The following PDXDC1 variants were observed in gnomAD, a reference collection of about 807,000 sequenced individuals.
PDXDC1 encodes pyridoxal dependent decarboxylase domain containing 1.
Under a neutral mutation model 100.1 loss-of-function variants are expected in PDXDC1, and 42 were observed. The ratio of observed to expected loss-of-function variants is 0.42; its 90% CI spans 0.33 to 0.54. PDXDC1 has a LOEUF of 0.54. Among genes scored for constraint, PDXDC1 ranks in the 20% least tolerant of loss-of-function variants. PDXDC1 has a pLI of 0.10. For synonymous variants in PDXDC1, 260 were observed against 371.7 expected (o/e 0.70, Z 3.46); for missense variants, 636 against 979.2 (o/e 0.65, Z 4.68).
downstream of PDXDC1, chr16:15,040,310 T>A (rs1483189132): frequency 2.5e-6 from 1 of 406,388 alleles, no homozygotes; most frequent in African/African-American, 2.1e-5. Flanking sequence ...AGAGCTGCTT[T>A]CCACATGGGA....
chr16:15,038,796 G>A (rs2043670021), downstream of PDXDC1: 2 of 629,836 alleles, frequency 3.2e-6, no homozygotes, highest in Non-Finnish European at 5.6e-6. Flanking sequence ...ATCTGCCTAA[G>A]CTTCTTAAAA....
At chr16:15,050,059 T>G (rs2044236737) in intron 16 of PDXDC1, among the ~76,000 whole-genome samples, 1 of 152,232 alleles carries the variant, frequency 6.6e-6, no homozygotes, top group South Asian at 2.1e-4. Flanking sequence ...CTCAATGTTC[T>G]ATCACATAGT....
chr16:15,076,068 C>T (rs758384159), intron 16 of PDXDC1, among the ~76,000 whole-genome samples: 5 of 152,120 alleles, frequency 3.3e-5, no homozygotes, highest in Non-Finnish European at 7.4e-5. Flanking sequence ...CAGGCTGTAG[C>T]GACCTCCCAA....
downstream of PDXDC1, among the ~76,000 whole-genome samples, chr16:15,142,181 C>G (rs931479024): frequency 6.6e-6 from 1 of 152,144 alleles, no homozygotes; most frequent in Non-Finnish European, 1.5e-5. Context: ...GTGGCTGCTG[C>G]TGGGAGCTGA....
intron 16 of PDXDC1, chr16:15,061,971 T>C: frequency 6.8e-7 from 1 of 1,464,022 alleles, no homozygotes; most frequent in Non-Finnish European, 9.5e-7. Context: ...CAACAATTCC[T>C]TCCTCAGGAA....
chr16:15,094,144 C>A (rs2046255566), intron 16 of PDXDC1: 3 of 1,594,984 alleles, frequency 1.9e-6, no homozygotes, highest in Non-Finnish European at 2.6e-6. Flanking sequence ...CTGAATCTTA[C>A]CCAGTCCTCG....
intron 16 of PDXDC1, among the ~76,000 whole-genome samples, chr16:15,049,762 C>T (rs2044225143): frequency 2.6e-5 from 4 of 152,150 alleles, no homozygotes; most frequent in African/African-American, 9.6e-5. Context: ...CTGGGAGCAG[C>T]AATGGAAAAG....
At chr16:15,022,947 T>C in intron 13 of PDXDC1, among the ~76,000 whole-genome samples, 193 bp downstream of exon 13, 1 of 152,270 alleles carries the variant, frequency 6.6e-6, no homozygotes, top group East Asian at 1.9e-4. Context: ...ATACAGTGAG[T>C]CTGAAGCGAA....
downstream of PDXDC1, among the ~76,000 whole-genome samples, chr16:15,142,663 T>G (rs913399533): frequency 5.9e-5 from 9 of 152,112 alleles, no homozygotes; most frequent in African/African-American, 2.2e-4. Flanking sequence ...TCCCGTACTT[T>G]TCCACGTCTG....
At chr16:15,033,550 G>A (rs2043197747) in intron 19 of PDXDC1, 151 bp downstream of exon 19, 4 of 885,504 alleles carry the variant, frequency 4.5e-6, no homozygotes, top group Non-Finnish European at 3.5e-6. Flanking sequence ...TGTGCCAGGT[G>A]TCAGAGATGC....
At chr16:15,096,751 T>C (rs1026280922) in intron 16 of PDXDC1, among the ~76,000 whole-genome samples, 1 of 152,272 alleles carries the variant, frequency 6.6e-6, no homozygotes, top group African/African-American at 2.4e-5. Context: ...GGCGCGATCA[T>C]GGCTCGTTGC....
At chr16:15,095,515 G>C (rs2046322171) in intron 16 of PDXDC1, among the ~76,000 whole-genome samples, 1 of 152,160 alleles carries the variant, frequency 6.6e-6, no homozygotes, top group Non-Finnish European at 1.5e-5. Context: ...TTGGGCAACA[G>C]AGTGAGACCC....
intron 16 of PDXDC1, among the ~76,000 whole-genome samples, chr16:15,030,569 A>AAC (rs1318094106): frequency 1.4e-5 from 2 of 144,774 alleles, no homozygotes; most frequent in Non-Finnish European, 3.1e-5. Context: ...AAAAAAAAAA[A>AAC]GTCATCACAT....
intron 12 of PDXDC1, among the ~76,000 whole-genome samples, chr16:15,021,241 G>A (rs1328700746): frequency 6.6e-6 from 1 of 152,252 alleles, no homozygotes; most frequent in Non-Finnish European, 1.5e-5. Context: ...GCCAGGTGTA[G>A]TGGCACACAC....
At chr16:15,128,713 A>AC (rs2047894800) in intron 16 of PDXDC1, among the ~76,000 whole-genome samples, 1 of 151,942 alleles carries the variant, frequency 6.6e-6, no homozygotes, top group South Asian at 2.1e-4. Context: ...ACAACCAGTG[A>AC]CCCGCACCAC....
intron 16 of PDXDC1, among the ~76,000 whole-genome samples, chr16:15,093,208 T>C (rs1488056568): frequency 6.6e-6 from 1 of 152,172 alleles, no homozygotes; most frequent in East Asian, 1.9e-4. Flanking sequence ...TTTCGCACGT[T>C]GGCCAGGCTG....
chr16:15,100,372 C>T (rs1297294197), intron 16 of PDXDC1, among the ~76,000 whole-genome samples: 1 of 152,166 alleles, frequency 6.6e-6, no homozygotes, highest in Non-Finnish European at 1.5e-5. Context: ...CATGTATACA[C>T]ATATATGTGT....
chr16:15,063,019 A>T lies in PDXDC1; in HGVS notation c.1399+32963A>T, dbSNP rs182518076. On this transcript the variant is annotated intron_variant, in intron 16 of 16. Transcript: ENST00000535621. ...CCACCACGCCCAGCTAATTAAAAAAATTTTTGTAGAAACAGGGTGTCACTG... is the reference window on the plus strand; with the variant it reads ...CCACCACGCCCAGCTAATTAAAAAATTTTTTGTAGAAACAGGGTGTCACTG... Among the ~76,000 whole-genome samples, 694 of 152,272 alleles carry T rather than the reference A, an allele frequency of 4.6e-3. 7 individuals carry two copies. The highest frequency in any genetic ancestry group is 0.016 in the African/African-American group (658 of 41,540).
At chr16:15,126,137 C>T (rs1180925095) in intron 16 of PDXDC1, among the ~76,000 whole-genome samples, 6 of 151,774 alleles carry the variant, frequency 4.0e-5, no homozygotes, top group Admixed American at 2.0e-4. Context: ...CGCGTTCAGG[C>T]GATTGTCCTG....
Sources: allele counts gnomAD v4.1 joint callset (sites outside exome capture counted in the v4.1 genomes callset), GRCh38; gene constraint gnomAD v4.1.1; transcripts MANE v1.5; gene names NCBI Gene and HGNC (gene_info 2026-07-23, HGNC 2026-07-21).